The following CCR6 variants were observed in gnomAD, a reference collection of about 807,000 sequenced individuals.
The protein encoded by CCR6 is C-C motif chemokine receptor 6.
In CCR6, 2 loss-of-function variants were observed where a neutral mutation model predicts 3.0. The observed-to-expected ratio is 0.66, with a 90% CI of 0.27 to 2.07. The LOEUF (loss-of-function observed/expected upper bound fraction) is 2.07. Among genes scored for constraint, CCR6 ranks in the 30% most tolerant of loss-of-function variants. The pLI, the probability that CCR6 is intolerant of heterozygous loss-of-function variation, is 0.14. For missense variants in CCR6, 322 were observed against 462.8 expected (o/e 0.70, Z 2.79); for synonymous variants, 193 against 184.3 (o/e 1.05, Z -0.38).
chr6:167,138,573 T>G lies in CCR6; in HGVS notation c.*1218T>G, dbSNP rs1199447931. 1.3e-5 allele frequency: 2 copies of G among 152,360 alleles called. No individual in the cohort carries two copies. Among genetic ancestry groups the G allele is most frequent in the East Asian group, 3.7e-4 (2 of 5,344 alleles). 9.4% of individuals were successfully genotyped at this position (152,360 alleles called of 1,614,324 possible). On this transcript the variant is annotated 3_prime_UTR_variant, in exon 3 of 3. Transcript: ENST00000341935. ...GAACTCATGTTTTTAAAGGGCTATG[T>G]AAATATATGAACATTAGAAAAATAG...
chr6:167,117,958 TTTTTC>T (rs890523658), upstream of CCR6, among the ~76,000 whole-genome samples: 3 of 151,368 alleles, frequency 2.0e-5, no homozygotes, highest in African/African-American at 7.3e-5. Context: ...TTTTTTTTTT[TTTTTC>T]TTTAAAGACA....
At chr6:167,135,926 T>C in intron 1 of CCR6, 112 bp from the exon 2 acceptor site, 2 of 564,950 alleles carry the variant, frequency 3.5e-6, no homozygotes, top group Non-Finnish European at 6.2e-6. Flanking sequence ...GTATGTAAAA[T>C]AGTGTGCTGT....
chr6:167,126,242 A>G (rs1329403269), intron 1 of CCR6: 3 of 152,268 alleles, frequency 2.0e-5, no homozygotes. Context: ...AGCCTAAAAT[A>G]CATACTGAAG....
In CCR6 at chr6:167,136,287, T is replaced by C. The variant is rs3093007; in HGVS notation, c.57T>C (p.Phe19=). 0.18 allele frequency: 282,361 copies of C among 1,608,874 alleles called. 25,769 individuals carry two copies. Among genetic ancestry groups the C allele is most frequent in the Non-Finnish European group, 0.19 (222,914 of 1,177,942 alleles). The change falls in exon 3 of 3, where the codon TTT becomes TTC. Residue 19 remains phenylalanine (F), a synonymous_variant. Transcript: ENST00000341935. This position sits in a 1 kb window ranked among gnomAD's most constrained non-coding sequence, Gnocchi z 4.6. ...TTTTCGACTCCAGTGAAGATTATTT[T>C]GTGTCAGTCAATACTTCATATTACT... ...SDVFDSSEDY[F]VSVNTSYYSV... is the part of the protein sequence containing the mutation.
In CCR6 at chr6:167,137,078, A is replaced by G. The variant is rs770511929; in HGVS notation, c.848A>G (p.Lys283Arg). ...CTTGTGACGGCTGCAAATTTGGGTAAAATGAACCGATCCTGCCAGAGCGAA... is the reference window on the plus strand; with the variant it reads ...CTTGTGACGGCTGCAAATTTGGGTAGAATGAACCGATCCTGCCAGAGCGAA... ...VLLVTAANLG[K>R]MNRSCQSEKL... The change falls in exon 3 of 3, where the codon AAA becomes AGA. Residue 283 changes from lysine (K) to arginine (R), a missense_variant. Lys to Arg is a conservative substitution (Grantham distance 26). Coordinates refer to ENST00000341935, the MANE Select transcript of CCR6 (RefSeq NM_031409.4). This position sits in a 1 kb window ranked among gnomAD's most constrained non-coding sequence, Gnocchi z 4.6. 1 of 1,614,200 alleles carries G rather than the reference A, an allele frequency of 6.2e-7. No homozygotes were observed. Among genetic ancestry groups the G allele is most frequent in the South Asian group, 1.1e-5 (1 of 91,074 alleles).
chr6:167,121,609 G>C (rs908298763), upstream of CCR6: 1 of 152,448 alleles, frequency 6.6e-6, no homozygotes, highest in Admixed American at 6.5e-5. Flanking sequence ...CGTAAGAGCA[G>C]AGGGGAGGGT....
At chr6:167,133,600 A>G (rs1445270067) in intron 1 of CCR6, among the ~76,000 whole-genome samples, 1 of 151,202 alleles carries the variant, frequency 6.6e-6, no homozygotes, top group Non-Finnish European at 1.5e-5. Context: ...TTGAATTTCT[A>G]TAAAAATTTT....
At chr6:167,133,827 A>G (rs996986350) in intron 1 of CCR6, among the ~76,000 whole-genome samples, 25 of 150,970 alleles carry the variant, frequency 1.7e-4, no homozygotes, top group African/African-American at 5.6e-4. Context: ...AGTTTTTAGC[A>G]TATAAATCTC....
upstream of CCR6, chr6:167,121,600 G>C (rs945746264): frequency 6.6e-6 from 1 of 152,370 alleles, no homozygotes; most frequent in Non-Finnish European, 1.5e-5. Flanking sequence ...GGGAGGGGTC[G>C]TAAGAGCAGA....
chr6:167,120,225 C>G (rs1161779115), upstream of CCR6, among the ~76,000 whole-genome samples: 1 of 152,240 alleles, frequency 6.6e-6, no homozygotes. Flanking sequence ...TCCGAAGGCT[C>G]GATTGGGCTG....
In CCR6 at chr6:167,136,283, A is replaced by T. The variant is rs777851811; in HGVS notation, c.53A>T (p.Tyr18Phe). 15 of 1,609,802 alleles carry T rather than the reference A, an allele frequency of 9.3e-6. No individual in the cohort carries two copies. The highest frequency in any genetic ancestry group is 1.2e-5 in the Non-Finnish European group (14 of 1,178,328). Residue 18 changes from tyrosine (Y) to phenylalanine (F), a missense_variant, in exon 3 of 3, where the codon TAT (tyrosine) becomes TTT (phenylalanine). Coordinates refer to ENST00000341935, the MANE Select transcript of CCR6 (RefSeq NM_031409.4). This position sits in a 1 kb window ranked among gnomAD's most constrained non-coding sequence, Gnocchi z 4.6. ...FSDVFDSSED[Y>F]FVSVNTSYYS... ...GATGTTTTCGACTCCAGTGAAGATT[A>T]TTTTGTGTCAGTCAATACTTCATAT...
At chr6:167,128,028 A>G (rs563362978) in intron 1 of CCR6, among the ~76,000 whole-genome samples, 4 of 152,094 alleles carry the variant, frequency 2.6e-5, no homozygotes, top group African/African-American at 9.6e-5. Flanking sequence ...TCTGTCTGCA[A>G]CTCCAGCAAC....
intron 1 of CCR6, among the ~76,000 whole-genome samples, chr6:167,126,043 T>C (rs1781664100): frequency 6.6e-6 from 1 of 152,180 alleles, no homozygotes; most frequent in African/African-American, 2.4e-5. Flanking sequence ...TTGCATTTCA[T>C]TTAAAAGAGT....
chr6:167,128,343 G>T (rs928360356), intron 1 of CCR6, among the ~76,000 whole-genome samples: 1 of 152,264 alleles, frequency 6.6e-6, no homozygotes, highest in African/African-American at 2.4e-5. Context: ...CCTGTGTCCG[G>T]TGCCTCCGCG....
At chr6:167,124,936 C>A (rs1781647783) in intron 1 of CCR6, among the ~76,000 whole-genome samples, 1 of 151,790 alleles carries the variant, frequency 6.6e-6, no homozygotes, top group Admixed American at 6.6e-5. Flanking sequence ...CAATATACAC[C>A]CATGCACACA....
chr6:167,126,191 A>AC (rs544086097), intron 1 of CCR6: 4 of 152,174 alleles, frequency 2.6e-5, no homozygotes, highest in Non-Finnish European at 5.9e-5. Context: ...ACATAGCAAG[A>AC]CCCCATCTCT....
At chr6:167,126,858 C>T (rs139592130) in intron 1 of CCR6, among the ~76,000 whole-genome samples, 8 of 152,270 alleles carry the variant, frequency 5.3e-5, no homozygotes, top group South Asian at 2.1e-4. Context: ...CTTCCCTCTT[C>T]GCTGGGCACT....
intron 1 of CCR6, among the ~76,000 whole-genome samples, chr6:167,114,330 C>A (rs6456157): frequency 0.46 from 70,056 of 152,044 alleles, 16,328 homozygotes; most frequent in Admixed American, 0.53. Flanking sequence ...TTAGCTGAGA[C>A]GGTCTAGCTC....
rs9366092 is a variant in CCR6 at position 167,132,870 on chromosome 6, C to G, written c.-97-3168C>G. On this transcript the variant is annotated intron_variant, in intron 1 of 2. Transcript: ENST00000341935. ...TTGTGGTTTTAATTTGCATTTTCCT[C>G]ATGATTAATGGCATTGAGCGTCTTT... is the stretch of plus-strand genomic sequence containing the variant. Among the ~76,000 whole-genome samples, 9 of 152,280 alleles carry G rather than the reference C, an allele frequency of 5.9e-5. No individual in the cohort carries two copies. The East Asian group carries it at 1.5e-3, about 26-fold the overall frequency.
Sources: gnomAD v4.1 joint callset for allele counts (sites outside exome capture counted in the v4.1 genomes callset) on GRCh38, gnomAD v4.1.1 for gene constraint, Gnocchi (gnomAD v3.1) non-coding constraint, MANE v1.5 for transcripts, NCBI Gene and HGNC (gene_info 2026-07-23, HGNC 2026-07-21) for gene names.